The following PGC variants were observed in gnomAD, a reference collection of about 807,000 sequenced individuals.
PGC encodes progastricsin.
Under a neutral mutation model 45.9 loss-of-function variants are expected in PGC, and 31 were observed. The ratio of observed to expected loss-of-function variants is 0.67; its 90% CI spans 0.51 to 0.91. The LOEUF is 0.91. PGC is among the 40% of genes least tolerant of loss of function. PGC has a pLI of 0.00. For synonymous variants in PGC, 192 were observed against 201.8 expected, an observed-to-expected ratio of 0.95 and a Z score of 0.41; for missense variants, 477 against 493.2, an observed-to-expected ratio of 0.97 and a Z score of 0.31.
At chr6:41,743,103 G>T (rs186286040) in intron 4 of PGC, among the ~76,000 whole-genome samples, 168 bp downstream of exon 4, 69 of 152,350 alleles carry the variant, frequency 4.5e-4, no homozygotes, top group Admixed American at 1.7e-3. Context: ...AGCACATGGT[G>T]GCCACCAGTG....
At chr6:41,738,205 T>TATATATACGTATATATATAC (rs1771743599) in intron 7 of PGC, among the ~76,000 whole-genome samples, 2 of 63,386 alleles carry the variant, frequency 3.2e-5, no homozygotes, top group East Asian at 4.6e-4. Context: ...TATATATGCA[T>TATATATACGTATATATATAC]ATATATATGC....
chr6:41,741,928 G>T, intron 5 of PGC: 2 of 1,081,882 alleles, frequency 1.8e-6, no homozygotes, highest in Non-Finnish European at 2.7e-6. Context: ...TCAGAAGGAA[G>T]TGAGCGAACT....
intron 7 of PGC, among the ~76,000 whole-genome samples, chr6:41,738,952 T>A (rs79064617): frequency 0.17 from 26,333 of 151,326 alleles, 2,474 homozygotes; most frequent in Admixed American, 0.26. Context: ...AGAGAGAGAC[T>A]CCGTCTCAAA....
intron 5 of PGC, chr6:41,741,111 G>T: frequency 6.5e-7 from 1 of 1,537,152 alleles, no homozygotes; most frequent in Non-Finnish European, 8.7e-7. Flanking sequence ...GGCCCAGCTT[G>T]TTACTTTTCT....
At chr6:41,743,473 CCT>C (rs1411033902) in intron 3 of PGC, 84 bp from the exon 4 acceptor site, 1 of 855,832 alleles carries the variant, frequency 1.2e-6, no homozygotes, top group African/African-American at 1.7e-5. Flanking sequence ...CCCACCTCAG[CCT>C]CTCGCTCAGG....
rs1561880958 is a variant in PGC, at chr6:41,740,602, C to T, written c.656G>A (p.Gly219Asp). 3 of 1,599,004 alleles carry T rather than the reference C, an allele frequency of 1.9e-6. No individual in the cohort carries two copies. Among genetic ancestry groups the T allele is most frequent in the Non-Finnish European group, 2.6e-6 (3 of 1,173,096 alleles). ...VFSVYLSNQQ[G>D]SSGGAVVFGG... ...AAAGACAACCGCTCCCCCGCTGGAG[C>T]CCTGCTGGCTGCAGGAGAGAAAGGG... The change falls in exon 6 of 9, where the codon GGC becomes GAC. Residue 219 changes from glycine (G) to aspartate (D), a missense_variant. Coordinates refer to ENST00000373025, the MANE Select transcript of PGC (RefSeq NM_002630.4).
intron 7 of PGC, among the ~76,000 whole-genome samples, chr6:41,739,342 C>T (rs1056417747): frequency 5.9e-5 from 9 of 152,252 alleles, no homozygotes; most frequent in Non-Finnish European, 1.2e-4. Flanking sequence ...GGCCCCCATC[C>T]TGCACACAGC....
At position 41,744,567 on chromosome 6, in the gene PGC, C is replaced by A. The variant is rs1771891905; in HGVS notation, c.211-53G>T. 10 of 1,583,118 alleles carry A rather than the reference C, an allele frequency of 6.3e-6. No individual in the cohort carries two copies. The highest frequency in any genetic ancestry group is 1.7e-5 in the Admixed American group (1 of 58,390). ...TCCAGAGGGATCCAGGGGCCCCAGG[C>A]TCCTCCATGGGCAGAGGAGTGAAGG... On this transcript the variant is annotated intron_variant, in intron 2 of 8. Transcript: ENST00000373025. The surrounding 1 kb of genome is among the most constrained non-coding windows in gnomAD (Gnocchi z 4.4).
chr6:41,745,580 G>A (rs1469736015), intron 1 of PGC, among the ~76,000 whole-genome samples: 13 of 137,202 alleles, frequency 9.5e-5, no homozygotes, highest in African/African-American at 5.7e-5. Context: ...ACAGAGTTTC[G>A]CTCTTGTTGC....
chr6:41,746,406 A>G (rs1771932078), intron 1 of PGC, among the ~76,000 whole-genome samples: 1 of 152,204 alleles, frequency 6.6e-6, no homozygotes, highest in African/African-American at 2.4e-5. Context: ...GGTGGTCTGG[A>G]GCACAGATCA....
At chr6:41,741,009 C>A (rs1165455955) in intron 5 of PGC, 2 of 1,535,406 alleles carry the variant, frequency 1.3e-6, no homozygotes, top group East Asian at 4.9e-5. Flanking sequence ...TCTGGGGGGT[C>A]CCCTAGTGGT....
In PGC at chr6:41,740,471, G is replaced by C. The variant is rs113069129; in HGVS notation, c.767+20C>G. 66 of 1,594,990 alleles carry C rather than the reference G, an allele frequency of 4.1e-5. No homozygotes were observed. In the African/African-American group the frequency reaches 5.9e-4, roughly 14 times the overall value. On this transcript the variant is annotated intron_variant, in intron 6 of 8. Coordinates refer to ENST00000373025, the MANE Select transcript of PGC (RefSeq NM_002630.4). ...ACTCCAAGGAAGTGCCACATCCCCA[G>C]GGCCCCACCGCAGACTCACTCTTCA...
At chr6:41,739,444 G>T (rs1771782648) in intron 7 of PGC, among the ~76,000 whole-genome samples, 2 of 150,618 alleles carry the variant, frequency 1.3e-5, no homozygotes, top group Non-Finnish European at 3.0e-5. Context: ...TTTGAGACAG[G>T]GTCTTGCTTT....
At position 41,742,278 on chromosome 6, in the gene PGC, C is replaced by T. The variant is rs752100253; in HGVS notation, c.647+12G>A. The T allele has an allele frequency of 6.2e-7, 1 of 1,612,052 alleles. No individual in the cohort carries two copies. The highest frequency in any genetic ancestry group is 1.1e-5 in the South Asian group (1 of 91,046). ...ATCCCGGGAGGTGGGGACTGGCCAG[C>T]TGGTTGCTCACTTGCTGAGGTAGAC... On this transcript the variant is annotated intron_variant, in intron 5 of 8. Coordinates refer to ENST00000373025, the MANE Select transcript of PGC (RefSeq NM_002630.4).
chr6:41,745,838 T>G (rs145987774), intron 1 of PGC, among the ~76,000 whole-genome samples: 446 of 150,994 alleles, frequency 3.0e-3, no homozygotes, highest in African/African-American at 0.01. Context: ...CGTGAGCCAC[T>G]GCGCCCAGCC....
chr6:41,744,272 T>C lies in PGC; in HGVS notation c.328+125A>G, dbSNP rs1345471034. The C allele has an allele frequency of 1.6e-6, 1 of 641,742 alleles. No individual in the cohort carries two copies. The highest frequency in any genetic ancestry group is 1.8e-5 in the African/African-American group (1 of 55,608). 39.8% of individuals were successfully genotyped at this position (641,742 alleles called of 1,614,324 possible). On this transcript the variant is annotated intron_variant, in intron 3 of 8. Coordinates refer to ENST00000373025, the MANE Select transcript of PGC (RefSeq NM_002630.4). This position sits in a 1 kb window ranked among gnomAD's most constrained non-coding sequence, Gnocchi z 4.4. ...GGCATGCTGTGTGGCCCTGCACATG[T>C]CCCTGGTCCTCCCCAGGACTGAGCT...
At chr6:41,740,881 A>G in intron 5 of PGC, 1 of 1,433,900 alleles carries the variant, frequency 7.0e-7, no homozygotes, top group Middle Eastern at 2.5e-4. Flanking sequence ...CTCCCTGAGG[A>G]TGGGGCTGTA....
At chr6:41,737,652 G>A (rs1419987243) in intron 8 of PGC, 78 bp downstream of exon 8, 1 of 821,982 alleles carries the variant, frequency 1.2e-6, no homozygotes, top group Non-Finnish European at 2.1e-6. Flanking sequence ...CAAGGCAGGA[G>A]ACCCAGCATT....
chr6:41,745,158 C>G (rs1771908582), intron 1 of PGC, among the ~76,000 whole-genome samples: 1 of 152,142 alleles, frequency 6.6e-6, no homozygotes, highest in African/African-American at 2.4e-5. Flanking sequence ...TCCTATCTCC[C>G]TGGCCCTTTG....
Sources: allele counts gnomAD v4.1 joint callset (sites outside exome capture counted in the v4.1 genomes callset), GRCh38; gene constraint gnomAD v4.1.1; non-coding constraint Gnocchi (gnomAD v3.1); transcripts MANE v1.5; gene names NCBI Gene and HGNC (gene_info 2026-07-23, HGNC 2026-07-21).